The following LEMD1 variants were observed in gnomAD, a reference collection of about 807,000 sequenced individuals.
LEMD1 encodes the protein LEM domain-containing protein 1.
LEMD1 carries 18 observed loss-of-function variants against 17.4 expected under a neutral mutation model. The observed-to-expected ratio is 1.04, with a 90% CI of 0.72 to 1.54. LEMD1 has a LOEUF of 1.54. LEMD1 is among the 40% of genes most tolerant of loss of function. The probability of loss-of-function intolerance (pLI) is 0.00; values close to 1 mark genes in which losing one functional copy is unlikely to be tolerated. For synonymous variants in LEMD1, 88 were observed against 77.8 expected (o/e 1.13, Z -0.69); for missense variants, 195 against 210.4 (o/e 0.93, Z 0.45).
At position 205,416,248 on chromosome 1, in the gene LEMD1, C is replaced by CT. The variant is rs1328303280; in HGVS notation, c.253dup (p.Ser85LysfsTer9). 4 of 1,547,406 alleles carry CT rather than the reference C, an allele frequency of 2.6e-6. No individual in the cohort carries two copies. The highest frequency in any genetic ancestry group is 3.5e-6 in the Non-Finnish European group (4 of 1,144,582). On this transcript the variant is annotated frameshift_variant, in exon 4 of 6. Transcript: ENST00000367153. LOFTEE classifies it high-confidence loss of function. ...GGTACATACTTTTTTGAGTTTCTTG[C>CT]TTTTTTCTGTTGAGAGTATGATATT...
chr1:205,388,516 A>G (rs1664156794), intron 4 of LEMD1, among the ~76,000 whole-genome samples: 1 of 152,050 alleles, frequency 6.6e-6, no homozygotes, highest in African/African-American at 2.4e-5. Context: ...TAACAACTCT[A>G]GGAGGTAATT....
intron 3 of LEMD1, 97 bp downstream of exon 3, chr1:205,419,133 G>A (rs538630673): frequency 7.1e-7 from 1 of 1,418,170 alleles, no homozygotes; most frequent in South Asian, 1.4e-5. Context: ...CTATTTCACA[G>A]GTCAGGCTGC....
chr1:205,389,835 T>C (rs1447699461), intron 4 of LEMD1, among the ~76,000 whole-genome samples: 1 of 152,232 alleles, frequency 6.6e-6, no homozygotes, highest in Non-Finnish European at 1.5e-5. Flanking sequence ...AATCCCTTTA[T>C]TGACTAAAAA....
chr1:205,384,193 G>T, intron 5 of LEMD1, 95 bp downstream of exon 5: 1 of 685,818 alleles, frequency 1.5e-6, no homozygotes, highest in Non-Finnish European at 2.2e-6. Context: ...TTCTTTTCAG[G>T]CTAAACCCTT....
intron 1 of LEMD1, among the ~76,000 whole-genome samples, chr1:205,429,039 C>G (rs1666092812): frequency 6.6e-6 from 1 of 152,242 alleles, no homozygotes. Context: ...GCCACTTCCA[C>G]CGCCAGCCCC....
intron 4 of LEMD1, among the ~76,000 whole-genome samples, chr1:205,411,671 A>AAAAGAAAGAAAGAAAGAAAGAAAG (rs199610367): frequency 6.8e-6 from 1 of 146,046 alleles, no homozygotes; most frequent in Admixed American, 6.9e-5. Context: ...AGAAAGAAAG[A>AAAAGAAAGAAAGAAAGAAAGAAAG]AAAGAAAGAA....
chr1:205,445,802 C>T (rs776802234), intron 1 of LEMD1, among the ~76,000 whole-genome samples: 7 of 152,130 alleles, frequency 4.6e-5, no homozygotes, highest in Non-Finnish European at 7.3e-5. Context: ...AGACTGTCAG[C>T]GCCAGAATGA....
chr1:205,396,665 T>A (rs565540594), intron 4 of LEMD1, among the ~76,000 whole-genome samples: 4 of 152,262 alleles, frequency 2.6e-5, no homozygotes, highest in African/African-American at 9.6e-5. Flanking sequence ...TGATGCTGCA[T>A]GGTAAGGGAA....
At chr1:205,417,541 C>A (rs563298317) in intron 3 of LEMD1, among the ~76,000 whole-genome samples, 125 of 152,268 alleles carry the variant, frequency 8.2e-4, no homozygotes, top group Non-Finnish European at 1.2e-3. Flanking sequence ...GGATCTGGGA[C>A]AGGACTCTGA....
intron 4 of LEMD1, among the ~76,000 whole-genome samples, chr1:205,411,155 GAAGA>G (rs1387109645): frequency 3.4e-4 from 47 of 137,118 alleles, no homozygotes; most frequent in Non-Finnish European, 6.3e-4. Context: ...GAAAAAGAAA[GAAGA>G]AAGAGAGAGA....
At chr1:205,406,806 C>T (rs536334527) in intron 4 of LEMD1, among the ~76,000 whole-genome samples, 3 of 152,328 alleles carry the variant, frequency 2.0e-5, no homozygotes, top group South Asian at 4.1e-4. Flanking sequence ...GTGTCGCTCA[C>T]GCTGGGAGCT....
chr1:205,383,796 G>T (rs1379808505), intron 5 of LEMD1, among the ~76,000 whole-genome samples: 1 of 151,684 alleles, frequency 6.6e-6, no homozygotes, highest in Non-Finnish European at 1.5e-5. Context: ...ACCACGTCTG[G>T]CTAATTTTTT....
chr1:205,397,987 T>C (rs1664669366), intron 4 of LEMD1, among the ~76,000 whole-genome samples: 1 of 152,222 alleles, frequency 6.6e-6, no homozygotes. Context: ...TGCTCTTGAA[T>C]TTCAAAAACT....
At chr1:205,411,416 G>A (rs1574980439) in intron 4 of LEMD1, among the ~76,000 whole-genome samples, 4 of 151,878 alleles carry the variant, frequency 2.6e-5, no homozygotes, top group East Asian at 3.9e-4. Flanking sequence ...TTAGCCGGGC[G>A]TGGTGGCGGG....
rs1663711293 is a variant in LEMD1, at chr1:205,381,800, C to T, written c.404G>A (p.Arg135Lys). 6.2e-7 allele frequency: 1 copy of T among 1,614,078 alleles called. No homozygotes were observed. The highest frequency in any genetic ancestry group is 1.3e-5 in the African/African-American group (1 of 74,910). The change falls in exon 6 of 6, where the codon AGA (arginine) becomes AAA (lysine). Residue 135 changes from arginine (R) to lysine (K), a missense_variant. By Grantham distance (26) the Arg-to-Lys change is conservative. Transcript: ENST00000367153. ...RITYGTITKE[R>K]DYCAEDQTIE... ...AGTCTGGTCTTCCGCGCAGTAGTCT[C>T]TCTCTTTGGTGATAGTCCCATATGT...
intron 3 of LEMD1, among the ~76,000 whole-genome samples, chr1:205,418,776 A>G (rs1185542862): frequency 1.3e-5 from 2 of 152,236 alleles, no homozygotes; most frequent in Non-Finnish European, 2.9e-5. Context: ...TCGGCCTCCC[A>G]AAGTGCTGGA....
rs774206082 is a variant in LEMD1 at position 205,448,321 on chromosome 1, A to G, written c.-39+1547T>C. 6 of 533,110 alleles carry G rather than the reference A, an allele frequency of 1.1e-5. No homozygotes were observed. Among genetic ancestry groups the G allele is most frequent in the Non-Finnish European group, 1.9e-5 (5 of 258,764 alleles). The allele number at this position is 533,110 out of a possible 1,614,324, so 33.0% of individuals were successfully genotyped here. A position where few individuals can be genotyped will look rare whatever the true frequency, so the allele number is the denominator to read the frequency against. ...GGAGAAGGAGCTCGCCCCTCACTGT[A>G]GCCCATGGCTTTTAGCCCTACATGA... On this transcript the variant is annotated intron_variant, in intron 1 of 3. Transcript: ENST00000367154. This position sits in a 1 kb window ranked among gnomAD's most constrained non-coding sequence, Gnocchi z 4.7.
upstream of LEMD1, among the ~76,000 whole-genome samples, chr1:205,425,757 AAAC>A (rs1371349086): frequency 6.6e-6 from 1 of 152,242 alleles, no homozygotes; most frequent in Non-Finnish European, 1.5e-5. Context: ...AGAGGGAAAA[AAAC>A]AACAAATGTG....
chr1:205,397,740 C>T (rs1664658672), intron 4 of LEMD1, among the ~76,000 whole-genome samples: 1 of 152,110 alleles, frequency 6.6e-6, no homozygotes, highest in Non-Finnish European at 1.5e-5. Context: ...ACTCCTCTTC[C>T]TAAAATGAAG....
Sources: gnomAD v4.1 joint callset for allele counts (sites outside exome capture counted in the v4.1 genomes callset) on GRCh38, gnomAD v4.1.1 for gene constraint, Gnocchi (gnomAD v3.1) non-coding constraint, MANE v1.5 for transcripts, NCBI Gene and HGNC (gene_info 2026-07-23, HGNC 2026-07-21) for gene names.